ATP9B: variants seen among roughly 807,000 people sequenced by gnomAD.
ATP9B encodes ATPase phospholipid transporting 9B.
Under a neutral mutation model 146.1 loss-of-function variants are expected in ATP9B, and 110 were observed. That is an observed-to-expected ratio of 0.75 (90% CI 0.65 to 0.88). The LOEUF is 0.88. Ranked by LOEUF, ATP9B falls within the 40% of genes least tolerant of loss-of-function variation. ATP9B has a pLI of 0.00. For synonymous variants in ATP9B, 604 were observed against 569.7 expected, an observed-to-expected ratio of 1.06 and a Z score of -0.86; for missense variants, 1,499 against 1,496.4, an observed-to-expected ratio of 1.00 and a Z score of -0.03.
chr18:79,159,281 T>G (rs529992515), intron 7 of ATP9B, among the ~76,000 whole-genome samples: 1 of 152,292 alleles, frequency 6.6e-6, no homozygotes, highest in African/African-American at 2.4e-5. Context: ...TCTTAGCAGG[T>G]ATGTACACTT....
chr18:79,071,332 C>T (rs1390084183), intron 1 of ATP9B, among the ~76,000 whole-genome samples: 2 of 148,596 alleles, frequency 1.3e-5, no homozygotes, highest in African/African-American at 2.5e-5. Context: ...TTATAAAACT[C>T]ATGATGATAA....
At chr18:79,071,398 C>CTTTTTTTTTTTTTTTT (rs747150962) in intron 1 of ATP9B, among the ~76,000 whole-genome samples, 246 of 22,188 alleles carry the variant, frequency 0.011, 21 homozygotes, top group East Asian at 0.02. Context: ...TATTGTTCTT[C>CTTTTTTTTTTTTTTTT]CTTTTTTTTT....
intron 8 of ATP9B, among the ~76,000 whole-genome samples, chr18:79,185,537 C>T (rs565286778): frequency 6.6e-6 from 1 of 152,056 alleles, no homozygotes; most frequent in East Asian, 1.9e-4. Context: ...TTTGCTGTTA[C>T]CACACCACCA....
At chr18:79,246,050 C>A (rs370014944) in intron 11 of ATP9B, among the ~76,000 whole-genome samples, 181 of 36,852 alleles carry the variant, frequency 4.9e-3, no homozygotes, top group African/African-American at 0.016. Flanking sequence ...ACTGACTGTG[C>A]GGAGGGCACC....
chr18:79,343,856 G>A (rs2096871840), intron 20 of ATP9B: 3 of 265,770 alleles, frequency 1.1e-5, no homozygotes, highest in South Asian at 3.9e-5. Context: ...TAATCACCTC[G>A]TGGGAATTAC....
At chr18:79,185,078 G>T (rs1339949225) in intron 8 of ATP9B, among the ~76,000 whole-genome samples, 1 of 150,832 alleles carries the variant, frequency 6.6e-6, no homozygotes, top group Non-Finnish European at 1.5e-5. Flanking sequence ...GGTGACAGAG[G>T]TTAGCAGTGC....
chr18:79,071,382 T>C (rs1418982708), intron 1 of ATP9B, among the ~76,000 whole-genome samples: 1 of 145,276 alleles, frequency 6.9e-6, no homozygotes, highest in African/African-American at 2.6e-5. Context: ...ATATTTCCCC[T>C]TTTTCTATTG....
chr18:79,272,407 C>T (rs116651026), intron 12 of ATP9B, among the ~76,000 whole-genome samples: 12 of 152,296 alleles, frequency 7.9e-5, no homozygotes, highest in African/African-American at 1.9e-4. Context: ...ATCTGCACTC[C>T]GGAGCCTTCC....
rs1165021107 is a variant in ATP9B at position 79,300,648 on chromosome 18, C to G, written c.1412-2956C>G. The stretch of plus-strand genomic sequence containing the variant: ...CATCCCAGAGGGAGCTCTGCACTTG[C>G]AGCTGACTCCACACCCAGGGCCTGT... On this transcript the variant is annotated intron_variant, in intron 13 of 29. Coordinates refer to ENST00000426216, the MANE Select transcript of ATP9B (RefSeq NM_198531.5). 2.0e-5 allele frequency among the ~76,000 whole-genome samples: 3 copies of G among 152,346 alleles called. 1 individual carries two copies. The highest frequency in any genetic ancestry group is 4.1e-4 in the South Asian group (2 of 4,828).
At chr18:79,202,624 T>C (rs1209751259) in intron 9 of ATP9B, among the ~76,000 whole-genome samples, 2 of 152,242 alleles carry the variant, frequency 1.3e-5, no homozygotes, top group Non-Finnish European at 2.9e-5. Flanking sequence ...TAGAACATTT[T>C]AGAGATAATT....
At chr18:79,232,576 C>A (rs1325056100) in intron 11 of ATP9B, among the ~76,000 whole-genome samples, 1 of 152,188 alleles carries the variant, frequency 6.6e-6, no homozygotes, top group Non-Finnish European at 1.5e-5. Context: ...CAGCTTTCAA[C>A]AGACATTCCA....
intron 7 of ATP9B, among the ~76,000 whole-genome samples, chr18:79,162,956 T>C (rs571857952): frequency 1.3e-5 from 2 of 152,358 alleles, no homozygotes; most frequent in South Asian, 4.1e-4. Context: ...TTGATCTTAA[T>C]TGTCATTAAG....
At chr18:79,284,771 C>CT (rs2096417381) in intron 13 of ATP9B, among the ~76,000 whole-genome samples, 1 of 148,990 alleles carries the variant, frequency 6.7e-6, no homozygotes, top group African/African-American at 2.5e-5. Flanking sequence ...TCCCTCCCCC[C>CT]CACCCCACCC....
chr18:79,307,192 C>A lies in ATP9B; in HGVS notation c.1731C>A (p.Phe577Leu). Residue 577 changes from phenylalanine to leucine, a missense_variant, in exon 15 of 30, where the codon TTC (phenylalanine) becomes TTA (leucine). Physicochemically the swap from Phe to Leu is conservative, Grantham distance 22 (BLOSUM62 0). Coordinates refer to ENST00000426216, the MANE Select transcript of ATP9B (RefSeq NM_198531.5). ...ETEFAEADQD[F>L]SDENRTYQAS... The stretch of plus-strand genomic sequence containing the variant: ...AGTTCGCAGAGGCTGACCAAGACTT[C>A]AGTGATGAGAATCGCACCTACCAGG... 9 of 1,614,222 alleles carry A rather than the reference C, an allele frequency of 5.6e-6. No individual in the cohort carries two copies. Among genetic ancestry groups the A allele is most frequent in the Non-Finnish European group, 7.6e-6 (9 of 1,180,046 alleles).
chr18:79,140,503 G>A (rs1220874588), intron 5 of ATP9B, among the ~76,000 whole-genome samples: 1 of 152,036 alleles, frequency 6.6e-6, no homozygotes, highest in African/African-American at 2.4e-5. Context: ...GGCCAGGCAC[G>A]GTGGCTCATG....
chr18:79,150,089 A>T (rs2147556586), intron 6 of ATP9B, among the ~76,000 whole-genome samples: 1 of 77,222 alleles, frequency 1.3e-5, no homozygotes, highest in African/African-American at 1.3e-4. Context: ...CAAAAAATAA[A>T]AAAATAAAAA....
chr18:79,124,049 T>G (rs1159161940), intron 4 of ATP9B, among the ~76,000 whole-genome samples: 1 of 152,116 alleles, frequency 6.6e-6, no homozygotes, highest in African/African-American at 2.4e-5. Context: ...GAACCCTCAT[T>G]AGTTGCTGGC....
chr18:79,290,066 C>A (rs1222627537), intron 13 of ATP9B, among the ~76,000 whole-genome samples: 1 of 152,144 alleles, frequency 6.6e-6, no homozygotes, highest in African/African-American at 2.4e-5. Flanking sequence ...GGTCAGGGGT[C>A]AGGGACCCAC....
At chr18:79,223,259 C>A (rs1203143843) in intron 11 of ATP9B, among the ~76,000 whole-genome samples, 1 of 151,890 alleles carries the variant, frequency 6.6e-6, no homozygotes, top group African/African-American at 2.4e-5. Flanking sequence ...GACTAGCTTT[C>A]TTGTTTTAAA....
Sources: gnomAD v4.1 joint callset for allele counts (sites outside exome capture counted in the v4.1 genomes callset) on GRCh38, gnomAD v4.1.1 for gene constraint, MANE v1.5 for transcripts, NCBI Gene and HGNC (gene_info 2026-07-23, HGNC 2026-07-21) for gene names.